Variants in RBPJ observed in about 807,000 individuals in gnomAD.
The protein encoded by RBPJ is recombining binding protein suppressor of hairless.
A neutral mutation model predicts 67.8 loss-of-function variants in RBPJ; 9 were observed. That is an observed-to-expected ratio of 0.13 (90% CI 0.08 to 0.23). The LOEUF (loss-of-function observed/expected upper bound fraction) is 0.23, where lower values mean the gene tolerates loss of function less well. Ranked by LOEUF, RBPJ falls within the 10% of genes least tolerant of loss-of-function variation. RBPJ has a pLI of 1.00. For synonymous variants in RBPJ, 198 were observed against 203.3 expected (o/e 0.97, Z 0.22); for missense variants, 305 against 595.6 (o/e 0.51, Z 5.08).
chr4:26,209,530 T>A, intron 1 of RBPJ, among the ~76,000 whole-genome samples: 1 of 150,558 alleles, frequency 6.6e-6, no homozygotes. Context: ...TCAAGTGACA[T>A]CCTATCTCCT....
chr4:26,110,084 TAA>T, the RBPJ span, among the ~76,000 whole-genome samples: 3 of 152,154 alleles, frequency 2.0e-5, no homozygotes, highest in Admixed American at 2.0e-4. This position sits in a 1 kb window ranked among gnomAD's most constrained non-coding sequence, Gnocchi z 4.5. Context: ...CTCCCCTAGT[TAA>T]AACTTACCCA....
chr4:26,196,648 C>T (rs569538910), intron 1 of RBPJ, among the ~76,000 whole-genome samples: 42 of 152,256 alleles, frequency 2.8e-4, no homozygotes, highest in Non-Finnish European at 4.0e-4. Flanking sequence ...ACTTCGAATT[C>T]CACACTTCTT....
intron 1 of RBPJ, among the ~76,000 whole-genome samples, chr4:26,222,494 CAAAA>C (rs35321984): frequency 1.7e-5 from 1 of 58,826 alleles, no homozygotes; most frequent in Non-Finnish European, 3.8e-5. Context: ...AACTCAATCT[CAAAA>C]AAAAAAAAAA....
the RBPJ span, among the ~76,000 whole-genome samples, chr4:26,123,460 G>C: frequency 1.3e-5 from 2 of 152,116 alleles, no homozygotes; most frequent in Non-Finnish European, 2.9e-5. Context: ...ACTATATGCT[G>C]TAGACTTTAT....
intron 1 of RBPJ, among the ~76,000 whole-genome samples, chr4:26,254,164 T>A (rs1290087824): frequency 6.7e-6 from 1 of 148,870 alleles, no homozygotes; most frequent in African/African-American, 2.6e-5. Flanking sequence ...TCCCAGCTGG[T>A]CTCCTGCTTC....
intron 1 of RBPJ, among the ~76,000 whole-genome samples, chr4:26,356,510 TC>T (rs1182300312): frequency 6.6e-6 from 1 of 152,232 alleles, no homozygotes. Context: ...GAATATATTC[TC>T]CCAGACAAAT....
At chr4:26,322,558 C>T (rs1723196267) in intron 1 of RBPJ, among the ~76,000 whole-genome samples, 1 of 152,090 alleles carries the variant, frequency 6.6e-6, no homozygotes, top group Non-Finnish European at 1.5e-5. Context: ...GAAATGAGGA[C>T]AGCACCGAAG....
rs1312105478 is a variant in RBPJ at position 26,287,180 on chromosome 4, C to T, written c.-166-75266C>T. ...GTAAAAAGAGAGTATTGATTTTAAA[C>T]CATGTCACTGTTCTGAGATCTGTGC... On this transcript the variant is annotated intron_variant, in intron 1 of 4. Coordinates refer to the RBPJ transcript ENST00000512351. 2.0e-5 allele frequency among the ~76,000 whole-genome samples: 3 copies of T among 151,974 alleles called. No individual in the cohort carries two copies. The South Asian group carries it at 6.2e-4, about 32-fold the overall frequency.
intron 1 of RBPJ, among the ~76,000 whole-genome samples, chr4:26,279,099 A>C (rs1447671109): frequency 1.3e-5 from 2 of 152,232 alleles, no homozygotes; most frequent in Non-Finnish European, 2.9e-5. Context: ...CACCCAGCAC[A>C]GTGCCTGGCC....
At chr4:26,130,054 G>A in the RBPJ span, among the ~76,000 whole-genome samples, 2 of 151,904 alleles carry the variant, frequency 1.3e-5, no homozygotes, top group African/African-American at 4.8e-5. Flanking sequence ...TAGAGACAGG[G>A]TTTCACCATG....
intron 1 of RBPJ, among the ~76,000 whole-genome samples, chr4:26,189,118 A>G (rs183932274): frequency 2.0e-5 from 3 of 152,272 alleles, no homozygotes; most frequent in Non-Finnish European, 4.4e-5. Flanking sequence ...TTGGGAGGCC[A>G]AGGTGGAAGG....
chr4:26,142,904 C>T, the RBPJ span, among the ~76,000 whole-genome samples: 5 of 152,194 alleles, frequency 3.3e-5, no homozygotes, highest in African/African-American at 9.7e-5. Context: ...GCCTCAGCCT[C>T]CCAGGTAGCT....
chr4:26,166,842 G>A (rs969128057), intron 1 of RBPJ, among the ~76,000 whole-genome samples: 9 of 152,194 alleles, frequency 5.9e-5, no homozygotes, highest in Admixed American at 3.9e-4. Context: ...GGGTTTTTAT[G>A]GTTTTAGGTC....
intron 1 of RBPJ, among the ~76,000 whole-genome samples, chr4:26,249,656 G>A (rs1346795641): frequency 6.6e-6 from 1 of 151,944 alleles, no homozygotes; most frequent in African/African-American, 2.4e-5. Context: ...GTGCGACTCT[G>A]TCACACACAC....
chr4:26,169,733 C>T (rs959463649), intron 1 of RBPJ, among the ~76,000 whole-genome samples: 4 of 152,228 alleles, frequency 2.6e-5, no homozygotes, highest in Admixed American at 6.5e-5. Flanking sequence ...CCACCCAGTT[C>T]GAGCTTCCCG....
chr4:26,368,827 C>T (rs1214248970), intron 1 of RBPJ, among the ~76,000 whole-genome samples: 1 of 152,186 alleles, frequency 6.6e-6, no homozygotes, highest in Non-Finnish European at 1.5e-5. Flanking sequence ...AATTCTAGCC[C>T]TGGGGCAGGG....
intron 1 of RBPJ, among the ~76,000 whole-genome samples, chr4:26,372,601 C>A (rs1729275763): frequency 6.6e-6 from 1 of 152,084 alleles, no homozygotes; most frequent in Non-Finnish European, 1.5e-5. Context: ...TCCTAGGGGC[C>A]TTGTTCTTGT....
At chr4:26,246,482 A>G (rs932574164) in intron 1 of RBPJ, among the ~76,000 whole-genome samples, 1 of 152,088 alleles carries the variant, frequency 6.6e-6, no homozygotes, top group African/African-American at 2.4e-5. Flanking sequence ...TTCACATTCC[A>G]TTTTTCAGCT....
intron 1 of RBPJ, among the ~76,000 whole-genome samples, chr4:26,306,510 C>T (rs1007530125): frequency 1.1e-4 from 16 of 151,612 alleles, no homozygotes; most frequent in African/African-American, 2.7e-4. Context: ...AGTGCAATGG[C>T]GCGATCTCCG....
Sources: allele counts gnomAD v4.1 joint callset (sites outside exome capture counted in the v4.1 genomes callset), GRCh38; gene constraint gnomAD v4.1.1; non-coding constraint Gnocchi (gnomAD v3.1); transcripts MANE v1.5; gene names NCBI Gene and HGNC (gene_info 2026-07-23, HGNC 2026-07-21).